Variants in ASB10 observed in about 807,000 individuals in gnomAD.
ASB10 encodes the protein ankyrin repeat and SOCS box containing 10.
ASB10 carries 44 observed loss-of-function variants against 35.4 expected under a neutral mutation model. The ratio of observed to expected loss-of-function variants is 1.24; its 90% CI spans 0.98 to 1.60. The LOEUF (loss-of-function observed/expected upper bound fraction) is 1.60, where lower values mean the gene tolerates loss of function less well. ASB10 is among the 40% of genes most tolerant of loss of function. ASB10 has a pLI of 0.00. For missense variants in ASB10, 647 were observed against 634.3 expected (o/e 1.02, Z -0.22); for synonymous variants, 294 against 280.4 (o/e 1.05, Z -0.49).
intron 3 of ASB10, among the ~76,000 whole-genome samples, chr7:151,180,173 G>A (rs1377108692): frequency 2.0e-5 from 3 of 152,162 alleles, no homozygotes; most frequent in Non-Finnish European, 2.9e-5. Context: ...CAGACCCAGC[G>A]CCCTCCATGA....
In ASB10 at chr7:151,186,501, CTGCAGCACAGGCCT is replaced by C; in HGVS notation, c.461_474del (p.Glu154GlyfsTer20). Reference sequence around the variant, plus strand: ...AGCACATGAACACAGGCAGTGTGGCCTGCAGCACAGGCCTCGTGCAGGGCGGTGCGGCCCCCAGG... The same window carrying C: ...AGCACATGAACACAGGCAGTGTGGCCCGTGCAGGGCGGTGCGGCCCCCAGG... On this transcript the variant is annotated frameshift_variant, in exon 2 of 6. Coordinates refer to ENST00000420175, the MANE Select transcript of ASB10 (RefSeq NM_001142459.2). LOFTEE classifies it high-confidence loss of function. The C allele has an allele frequency of 6.2e-7, 1 of 1,601,970 alleles. No homozygotes were observed. Among genetic ancestry groups the C allele is most frequent in the South Asian group, 1.1e-5 (1 of 89,246 alleles).
rs150078893 is a variant in ASB10, at chr7:151,183,137, CT to C, written c.585-1680del. Reference sequence around the variant, plus strand: ...GAGATGCGGTGTGTTATATGCTTGCCTTTTTTTCTTCTTCTTCTTCAGAAAC... The same window carrying C: ...GAGATGCGGTGTGTTATATGCTTGCCTTTTTTCTTCTTCTTCTTCAGAAAC... On this transcript the variant is annotated intron_variant, in intron 2 of 5. Transcript: ENST00000420175. 3.3e-3 allele frequency among the ~76,000 whole-genome samples: 508 copies of C among 152,242 alleles called. 5 individuals carry two copies. Among genetic ancestry groups the C allele is most frequent in the Admixed American group, 0.018 (282 of 15,286 alleles).
rs148519960 is a variant in ASB10, at chr7:151,181,455, A to C, written c.588T>G (p.Cys196Trp). The C allele has an allele frequency of 6.3e-7, 1 of 1,586,910 alleles. No individual in the cohort carries two copies. The highest frequency in any genetic ancestry group is 8.6e-7 in the Non-Finnish European group (1 of 1,162,606). Residue 196 changes from cysteine to tryptophan, a missense_variant, in exon 3 of 6, where the codon TGT becomes TGG. Cys to Trp is a radical substitution (Grantham distance 215). Coordinates refer to ENST00000420175, the MANE Select transcript of ASB10 (RefSeq NM_001142459.2). Reference sequence around the variant, plus strand: ...CTCCAAACCTGAGGAGCAGCTCCGCACACCTATTGGGGGGAGACGGTGGTG... The same window carrying C: ...CTCCAAACCTGAGGAGCAGCTCCGCCCACCTATTGGGGGGAGACGGTGGTG... The part of the protein sequence containing the change: ...HLCRGPGTLE[C>W]AELLLRFGAR...
At position 151,186,427 on chromosome 7, in the gene ASB10, G is replaced by A. The variant is rs1009141016; in HGVS notation, c.549C>T (p.Arg183=). 5 of 1,588,224 alleles carry A rather than the reference G, an allele frequency of 3.1e-6. No homozygotes were observed. Among genetic ancestry groups the A allele is most frequent in the Admixed American group, 1.8e-5 (1 of 56,232 alleles). Residue 183 remains arginine, a synonymous_variant, in exon 2 of 6, where the codon CGC becomes CGT. Coordinates refer to ENST00000420175, the MANE Select transcript of ASB10 (RefSeq NM_001142459.2). ...DPNIADQDGK[R]PLHLCRGPGT... Reference sequence around the variant, plus strand: ...CAGGCCCCCGGCAGAGATGCAGGGGGCGTTTCCCATCCTGGTCAGCGATGT... The same window carrying A: ...CAGGCCCCCGGCAGAGATGCAGGGGACGTTTCCCATCCTGGTCAGCGATGT...
Position 151,181,093 on chromosome 7 carries a change from C to T in ASB10, c.950G>A (p.Gly317Asp), listed in dbSNP as rs753136460. 3.1e-6 allele frequency: 5 copies of T among 1,612,562 alleles called. No homozygotes were observed. The highest frequency in any genetic ancestry group is 2.2e-5 in the East Asian group (1 of 44,868). The change falls in exon 3 of 6, where the codon GGT (glycine) becomes GAT (aspartate). Residue 317 changes from glycine (G) to aspartate (D), a missense_variant. Physicochemically the swap from Gly to Asp is moderately conservative, Grantham distance 94. Coordinates refer to ENST00000420175, the MANE Select transcript of ASB10 (RefSeq NM_001142459.2). Reference protein sequence around the residue: ...AAVVELLLSCGVSANTMDYGG... With the variant: ...AAVVELLLSCDVSANTMDYGG... Reference sequence around the variant, plus strand: ...ATAGTCCATGGTGTTGGCGCTGACACCACAGGACAGGAGCAGCTCCACGAC... The same window carrying T: ...ATAGTCCATGGTGTTGGCGCTGACATCACAGGACAGGAGCAGCTCCACGAC...
intron 2 of ASB10, 30 bp from the exon 3 acceptor site, chr7:151,181,488 A>T (rs763766792): frequency 6.5e-7 from 1 of 1,550,168 alleles, no homozygotes. Flanking sequence ...GTGGGGAGGA[A>T]AGCGGGCACG....
At position 151,181,715 on chromosome 7, in the gene ASB10, C is replaced by T. The variant is rs191988673; in HGVS notation, c.585-257G>A. Among the ~76,000 whole-genome samples, 596 of 151,772 alleles carry T rather than the reference C, an allele frequency of 3.9e-3. 5 individuals carry two copies. The highest frequency in any genetic ancestry group is 0.013 in the African/African-American group (550 of 41,340). On this transcript the variant is annotated intron_variant, in intron 2 of 5. Coordinates refer to ENST00000420175, the MANE Select transcript of ASB10 (RefSeq NM_001142459.2). ...GCAACCTCCACCTCCCGGGTTCAAG[C>T]GATTCTCCTGCCTCAGCCTCCAGAG...
At chr7:151,182,800 A>T (rs1441888286) in intron 2 of ASB10, among the ~76,000 whole-genome samples, 1 of 151,830 alleles carries the variant, frequency 6.6e-6, no homozygotes, top group East Asian at 1.9e-4. Context: ...ACCCCCAAAA[A>T]CCTGTCATCG....
chr7:151,181,221 C>T lies in ASB10; in HGVS notation c.822G>A (p.Leu274=), dbSNP rs1410871211. The change falls in exon 3 of 6, where the codon CTG becomes CTA. Residue 274 remains leucine (L), a synonymous_variant. Transcript: ENST00000420175. ...CTGAAAGCAGCAAGCTGCACAGCTG[C>T]AGGCAGCGGGCGGTGGTGGCCTCGG... The part of the protein sequence containing the change: ...TDAEATTARC[L]QLCSLLLSAG... 6.2e-7 allele frequency: 1 copy of T among 1,612,960 alleles called. No individual in the cohort carries two copies. The highest frequency in any genetic ancestry group is 8.5e-7 in the Non-Finnish European group (1 of 1,179,896).
Position 151,186,135 on chromosome 7 carries a change from A to T in ASB10, c.584+257T>A, listed in dbSNP as rs760671609. ...CATAATGGAGCCAGGCAATTTCCCA[A>T]TGCGGGCCATGCAACTGCACCCCTG... is the stretch of plus-strand genomic sequence containing the variant. On this transcript the variant is annotated intron_variant, in intron 2 of 5. Coordinates refer to ENST00000420175, the MANE Select transcript of ASB10 (RefSeq NM_001142459.2). Among the ~76,000 whole-genome samples, 6 of 152,136 alleles carry T rather than the reference A, an allele frequency of 3.9e-5. No individual in the cohort carries two copies. The East Asian group carries it at 1.2e-3, about 29-fold the overall frequency.
Position 151,176,194 on chromosome 7 carries a change from A to G in ASB10, c.1322T>C (p.Leu441Pro). The G allele has an allele frequency of 6.2e-7, 1 of 1,610,754 alleles. No individual in the cohort carries two copies. The highest frequency in any genetic ancestry group is 2.2e-5 in the East Asian group (1 of 44,858). ...GGGGAGGCGGGGCAGCGCTTGGGGC[A>G]GGCTGCCCTCCAGGTGGGAGCGGAG... The part of the protein sequence containing the change: ...CALRSHLEGS[L>P]PQALPRLPLP... The change falls in exon 5 of 6, where the codon CTG (leucine) becomes CCG (proline). Residue 441 changes from leucine (L) to proline (P), a missense_variant. Transcript: ENST00000420175.
At position 151,186,436 on chromosome 7, in the gene ASB10, A is replaced by T; in HGVS notation, c.540T>A (p.Asp180Glu). 6.3e-7 allele frequency: 1 copy of T among 1,589,438 alleles called. No individual in the cohort carries two copies. Among genetic ancestry groups the T allele is most frequent in the Non-Finnish European group, 8.6e-7 (1 of 1,168,198 alleles). ...GGCAGAGATGCAGGGGGCGTTTCCCATCCTGGTCAGCGATGTTGGGGTCGG... is the reference window on the plus strand; with the variant it reads ...GGCAGAGATGCAGGGGGCGTTTCCCTTCCTGGTCAGCGATGTTGGGGTCGG... ...AGADPNIADQ[D>E]GKRPLHLCRG... is the part of the protein sequence containing the mutation. The change falls in exon 2 of 6, where the codon GAT (aspartate) becomes GAA (glutamate). Residue 180 changes from aspartate to glutamate, a missense_variant. Transcript: ENST00000420175.
chr7:151,179,275 C>T (rs929241733), intron 3 of ASB10, among the ~76,000 whole-genome samples: 3 of 152,180 alleles, frequency 2.0e-5, no homozygotes, highest in South Asian at 2.1e-4. Flanking sequence ...AGCGACTTGC[C>T]GAAGGCCACA....
At chr7:151,178,463 C>A (rs1801429781) in intron 3 of ASB10, among the ~76,000 whole-genome samples, 1 of 152,210 alleles carries the variant, frequency 6.6e-6, no homozygotes, top group Non-Finnish European at 1.5e-5. Context: ...GAACTCAGTA[C>A]CTAAAGCAGA....
Position 151,186,972 on chromosome 7 carries a change from T to C in ASB10, c.159A>G (p.Gly53=). Residue 53 remains glycine (G), a synonymous_variant, in exon 1 of 6, where the codon GGA becomes GGG. Transcript: ENST00000420175. ...CTGCCTGCCAGAAGGCAAGGGCAGG[T>C]CCTGAGGCTGTGCGGGTGACGATGG... ...PGPIVTRTAS[G]PALAFWQAVL... The C allele has an allele frequency of 6.2e-7, 1 of 1,613,602 alleles. No individual in the cohort carries two copies. The highest frequency in any genetic ancestry group is 8.5e-7 in the Non-Finnish European group (1 of 1,179,800).
chr7:151,187,380 C>A, upstream of ASB10: 1 of 1,546,706 alleles, frequency 6.5e-7, no homozygotes. This position sits in a 1 kb window ranked among gnomAD's most constrained non-coding sequence, Gnocchi z 5.3. Flanking sequence ...TTCACTCAAG[C>A]CCTTAGGACC....
chr7:151,181,363 T>A lies in ASB10; in HGVS notation c.680A>T (p.His227Leu). 2 of 1,613,066 alleles carry A rather than the reference T, an allele frequency of 1.2e-6. No homozygotes were observed. Among genetic ancestry groups the A allele is most frequent in the Admixed American group, 1.7e-5 (1 of 60,028 alleles). The change falls in exon 3 of 6, where the codon CAT (histidine) becomes CTT (leucine). Residue 227 changes from histidine to leucine, a missense_variant. Physicochemically the swap from His to Leu is moderately conservative, Grantham distance 99. Coordinates refer to ENST00000420175, the MANE Select transcript of ASB10 (RefSeq NM_001142459.2). ...TPLHVAARLG[H>L]VELADLLLRR... Reference sequence around the variant, plus strand: ...TAGAAGCAGATCTGCCAGCTCCACATGGCCAAGCCGGGCGGCCACATGCAA... The same window carrying A: ...TAGAAGCAGATCTGCCAGCTCCACAAGGCCAAGCCGGGCGGCCACATGCAA...
chr7:151,187,296 CTG>C, upstream of ASB10: 1 of 1,507,866 alleles, frequency 6.6e-7, no homozygotes, highest in Non-Finnish European at 8.9e-7. This position sits in a 1 kb window ranked among gnomAD's most constrained non-coding sequence, Gnocchi z 5.3. Context: ...CTCCACATGA[CTG>C]TGTTCTTGGG....
At chr7:151,181,608 G>A (rs1801496344) in intron 2 of ASB10, 150 bp from the exon 3 acceptor site, 2 of 1,229,254 alleles carry the variant, frequency 1.6e-6, no homozygotes, top group African/African-American at 1.6e-5. Flanking sequence ...GATCAACAGT[G>A]CCCTTCTTTT....
Sources: gnomAD v4.1 joint callset for allele counts (sites outside exome capture counted in the v4.1 genomes callset) on GRCh38, gnomAD v4.1.1 for gene constraint, Gnocchi (gnomAD v3.1) non-coding constraint, MANE v1.5 for transcripts, NCBI Gene and HGNC (gene_info 2026-07-23, HGNC 2026-07-21) for gene names.